Variants in LRP1B observed in about 807,000 individuals in gnomAD.
LRP1B encodes the protein LDL receptor related protein 1B, also known as low-density lipoprotein receptor-related protein 1B.
In LRP1B, 217 loss-of-function variants were observed where a neutral mutation model predicts 556.6. The ratio of observed to expected loss-of-function variants is 0.39; its 90% CI spans 0.35 to 0.44. The LOEUF is 0.44. LRP1B is among the 20% of genes least tolerant of loss of function. LRP1B has a pLI of 1.00. For synonymous variants in LRP1B, 2,047 were observed against 1,865.8 expected (o/e 1.10, Z -2.50); for missense variants, 5,053 against 5,620.8 (o/e 0.90, Z 3.23).
In LRP1B at chr2:140,716,706, C is replaced by T. The variant is rs777875383; in HGVS notation, c.5869G>A (p.Gly1957Arg). Reference sequence around the variant, plus strand: ...CCAGCAATCCAGTCAACAGCTATCCCTTCCACTCTTCCCAAGCCATTGGTA... The same window carrying T: ...CCAGCAATCCAGTCAACAGCTATCCTTTCCACTCTTCCCAAGCCATTGGTA... ...IITNGLGRVE[G>R]IAVDWIAGNI... The change falls in exon 36 of 91, where the codon GGG becomes AGG. Residue 1957 changes from glycine to arginine, a missense_variant. Physicochemically the swap from Gly to Arg is moderately radical, Grantham distance 125. Transcript: ENST00000389484. 2 of 1,611,626 alleles carry T rather than the reference C, an allele frequency of 1.2e-6. No homozygotes were observed. Among genetic ancestry groups the T allele is most frequent in the South Asian group, 2.2e-5 (2 of 90,898 alleles).
At position 141,302,132 on chromosome 2, in the gene LRP1B, A is replaced by G. The variant is rs1686418285; in HGVS notation, c.344-47491T>C. Among the ~76,000 whole-genome samples the G allele has an allele frequency of 2.0e-5, 3 of 152,268 alleles. 1 individual carries two copies. Among genetic ancestry groups the G allele is most frequent in the Non-Finnish European group, 2.9e-5 (2 of 68,000 alleles). On this transcript the variant is annotated intron_variant, in intron 3 of 90. Coordinates refer to ENST00000389484, the MANE Select transcript of LRP1B (RefSeq NM_018557.3). ...GCATAAATATCTCCCAGGAAAATTA[A>G]CTGTAGCATTCTCTTACAGATAGGA... is the stretch of plus-strand genomic sequence containing the variant.
chr2:140,494,315 C>T (rs1356039094), intron 56 of LRP1B, among the ~76,000 whole-genome samples: 4 of 152,086 alleles, frequency 2.6e-5, no homozygotes, highest in Admixed American at 1.3e-4. Flanking sequence ...TTAATCTCTT[C>T]TTTTTGTCCC....
chr2:141,101,318 A>G (rs1700455601), intron 7 of LRP1B, among the ~76,000 whole-genome samples: 1 of 152,134 alleles, frequency 6.6e-6, no homozygotes. Flanking sequence ...GTACTAGTGT[A>G]GGAAAAGAAG....
chr2:140,612,398 G>T (rs777667877), intron 41 of LRP1B, among the ~76,000 whole-genome samples: 2 of 151,890 alleles, frequency 1.3e-5, no homozygotes, highest in Non-Finnish European at 2.9e-5. Context: ...ATTTACCTCT[G>T]AACAAATTTT....
chr2:141,100,219 G>A (rs1700424782), intron 7 of LRP1B, among the ~76,000 whole-genome samples: 1 of 152,134 alleles, frequency 6.6e-6, no homozygotes, highest in Admixed American at 6.6e-5. Flanking sequence ...TGAGTTCAGA[G>A]TAAACTCTGC....
chr2:140,886,160 C>G lies in LRP1B; in HGVS notation c.3942G>C (p.Arg1314=), dbSNP rs2105192028. The G allele has an allele frequency of 6.3e-7, 1 of 1,598,570 alleles. No individual in the cohort carries two copies. Among genetic ancestry groups the G allele is most frequent in the Non-Finnish European group, 8.5e-7 (1 of 1,172,120 alleles). The change falls in exon 24 of 91, where the codon CGG becomes CGC. Residue 1314 remains arginine, a synonymous_variant. Transcript: ENST00000389484. ...WTDVVEDRIY[R]GKLSESGGVS... ...TACCTCCACTTTCAGAAAGCTTTCC[C>G]CGGTATATTCTGTCTTCTACAACAT...
chr2:141,603,790 T>C (rs558680114), intron 2 of LRP1B, among the ~76,000 whole-genome samples: 1 of 152,288 alleles, frequency 6.6e-6, no homozygotes, highest in South Asian at 2.1e-4. Flanking sequence ...GTTTCTTCTC[T>C]CAAAACTCAT....
intron 1 of LRP1B, among the ~76,000 whole-genome samples, chr2:141,991,689 A>G (rs1702349425): frequency 6.6e-6 from 1 of 152,096 alleles, no homozygotes; most frequent in Admixed American, 6.6e-5. Flanking sequence ...TTTATTTCAC[A>G]TGACTAAACT....
At chr2:141,975,487 G>A (rs543149069) in intron 1 of LRP1B, among the ~76,000 whole-genome samples, 5 of 152,102 alleles carry the variant, frequency 3.3e-5, no homozygotes, top group East Asian at 1.9e-4. Context: ...AGAACAGACC[G>A]TATAAATGGA....
chr2:141,299,347 T>C (rs563649461), intron 3 of LRP1B, among the ~76,000 whole-genome samples: 58 of 152,348 alleles, frequency 3.8e-4, no homozygotes, highest in African/African-American at 1.4e-3. Flanking sequence ...TTTTGAAGAA[T>C]ATATGTTAAG....
chr2:140,943,331 A>C (rs1695453950), intron 20 of LRP1B, among the ~76,000 whole-genome samples: 1 of 152,078 alleles, frequency 6.6e-6, no homozygotes, highest in Admixed American at 6.6e-5. Flanking sequence ...GGGGGACTTC[A>C]ATACCCCACT....
At chr2:141,997,091 T>C in intron 1 of LRP1B, among the ~76,000 whole-genome samples, 1 of 152,008 alleles carries the variant, frequency 6.6e-6, no homozygotes, top group East Asian at 1.9e-4. Context: ...GAAAACTGAG[T>C]ATGAGTGCTT....
chr2:141,890,336 A>ATATATATATATATGTATTGTG (rs1699247924), intron 1 of LRP1B, among the ~76,000 whole-genome samples: 1 of 122,536 alleles, frequency 8.2e-6, no homozygotes, highest in African/African-American at 4.0e-5. Context: ...ATATATATAT[A>ATATATATATATATGTATTGTG]TATATATATA....
In LRP1B at chr2:141,562,449, A is replaced by G. The variant is rs79141181; in HGVS notation, c.206-81916T>C. 5.1e-3 allele frequency among the ~76,000 whole-genome samples: 770 copies of G among 151,980 alleles called. 6 individuals carry two copies. The highest frequency in any genetic ancestry group is 8.9e-3 in the Admixed American group (135 of 15,234). ...AATTAATTTACTATTACTCCCCACTACTGACCTCTACTACACGTTCATGAT... is the reference window on the plus strand; with the variant it reads ...AATTAATTTACTATTACTCCCCACTGCTGACCTCTACTACACGTTCATGAT... On this transcript the variant is annotated intron_variant, in intron 2 of 90. Transcript: ENST00000389484.
Position 141,922,917 on chromosome 2 carries a change from T to G in LRP1B, c.83-112516A>C, listed in dbSNP as rs904499932. The stretch of plus-strand genomic sequence containing the variant: ...GAGTTCAAGACCAGCCTGGGTAACA[T>G]AGTGAGACCTTGTTTCTACAAAAAA... On this transcript the variant is annotated intron_variant, in intron 1 of 90. Transcript: ENST00000389484. Among the ~76,000 whole-genome samples the G allele has an allele frequency of 4.0e-5, 6 of 150,172 alleles. No homozygotes were observed. In the Middle Eastern group the frequency reaches 0.01, roughly 261 times the overall value.
Position 141,787,078 on chromosome 2 carries a change from A to T in LRP1B, c.205+23201T>A, listed in dbSNP as rs191388778. On this transcript the variant is annotated intron_variant, in intron 2 of 90. Coordinates refer to ENST00000389484, the MANE Select transcript of LRP1B (RefSeq NM_018557.3). ...GGTTGATGATTTCTAGGTCTCTTTC[A>T]TTAGGGATAATATCAAGTGCTGGTA... 3.8e-3 allele frequency among the ~76,000 whole-genome samples: 573 copies of T among 151,998 alleles called. 1 individual carries two copies. The highest frequency in any genetic ancestry group is 0.01 in the Middle Eastern group (3 of 294).
intron 1 of LRP1B, among the ~76,000 whole-genome samples, chr2:142,098,896 T>C (rs1009159578): frequency 2.0e-5 from 3 of 151,790 alleles, no homozygotes; most frequent in Admixed American, 1.3e-4. Flanking sequence ...AAGACACAAT[T>C]TCAAAATTAG....
At chr2:140,865,430 T>C (rs114408163) in intron 27 of LRP1B, among the ~76,000 whole-genome samples, 4,785 of 152,104 alleles carry the variant, frequency 0.031, 237 homozygotes, top group African/African-American at 0.11. Flanking sequence ...CTATTATTAT[T>C]GTATTTGTGT....
intron 41 of LRP1B, among the ~76,000 whole-genome samples, chr2:140,614,127 T>C (rs1009070580): frequency 6.6e-6 from 1 of 152,080 alleles, no homozygotes; most frequent in African/African-American, 2.4e-5. Flanking sequence ...CAGAGAGCTC[T>C]CTTGTTCAGG....
Sources: allele counts gnomAD v4.1 joint callset (sites outside exome capture counted in the v4.1 genomes callset), GRCh38; gene constraint gnomAD v4.1.1; transcripts MANE v1.5; gene names NCBI Gene and HGNC (gene_info 2026-07-23, HGNC 2026-07-21).